Variants in C5 observed in about 807,000 individuals in gnomAD.
The protein encoded by C5 is C3 and PZP-like alpha-2-macroglobulin domain-containing protein 4.
C5 carries 140 observed loss-of-function variants against 218.8 expected under a neutral mutation model. The observed-to-expected ratio is 0.64, with a 90% CI of 0.56 to 0.74. C5 has a LOEUF of 0.74. C5 is among the 30% of genes least tolerant of loss of function. The probability of loss-of-function intolerance (pLI) is 0.00; values close to 1 mark genes in which losing one functional copy is unlikely to be tolerated. For synonymous variants in C5, 614 were observed against 682.3 expected (o/e 0.90, Z 1.56); for missense variants, 1,700 against 1,969.6 (o/e 0.86, Z 2.59).
intron 1 of C5, among the ~76,000 whole-genome samples, chr9:121,048,369 C>T (rs1415467727): frequency 6.6e-6 from 1 of 152,226 alleles, no homozygotes; most frequent in Non-Finnish European, 1.5e-5. Flanking sequence ...TGCCTCCTGT[C>T]AGATCAGTGG....
At chr9:121,074,602 T>G in the C5 span, among the ~76,000 whole-genome samples, 1 of 152,238 alleles carries the variant, frequency 6.6e-6, no homozygotes, top group Non-Finnish European at 1.5e-5. Context: ...GCTGCGCCGG[T>G]GCCTCAGGCC....
At chr9:121,055,833 G>A in the C5 span, among the ~76,000 whole-genome samples, 2 of 152,352 alleles carry the variant, frequency 1.3e-5, no homozygotes, top group Non-Finnish European at 2.9e-5. Context: ...AATGCCAGCT[G>A]TGGCCAGTAG....
upstream of C5, among the ~76,000 whole-genome samples, chr9:121,051,092 A>G (rs2047667890): frequency 6.6e-6 from 1 of 151,688 alleles, no homozygotes; most frequent in Non-Finnish European, 1.5e-5. Context: ...CTAGTAATTA[A>G]TTCACAATAT....
At chr9:121,058,394 T>G in the C5 span, among the ~76,000 whole-genome samples, 1 of 152,192 alleles carries the variant, frequency 6.6e-6, no homozygotes, top group South Asian at 2.1e-4. Flanking sequence ...AAGTCTTACC[T>G]TCTCTTTGAC....
chr9:121,058,530 C>T, the C5 span, among the ~76,000 whole-genome samples: 1 of 152,138 alleles, frequency 6.6e-6, no homozygotes, highest in African/African-American at 2.4e-5. Flanking sequence ...CCTCTGCCTC[C>T]TTGGTTCAAG....
chr9:121,032,838 A>G (rs1475891137), intron 5 of C5, among the ~76,000 whole-genome samples: 2 of 152,024 alleles, frequency 1.3e-5, no homozygotes, highest in South Asian at 2.1e-4. Context: ...CATCTCTACA[A>G]AAAAATACAA....
chr9:120,969,632 A>G (rs896259550), intron 32 of C5, among the ~76,000 whole-genome samples: 64 of 152,198 alleles, frequency 4.2e-4, no homozygotes, highest in African/African-American at 1.4e-3. Context: ...GCCTTGGGTT[A>G]AATAAAAGGG....
the C5 span, among the ~76,000 whole-genome samples, chr9:121,068,024 A>C: frequency 2.6e-5 from 4 of 152,232 alleles, no homozygotes; most frequent in African/African-American, 9.6e-5. Flanking sequence ...TGCAGCGCAC[A>C]TTATCATCAA....
chr9:121,027,150 A>G lies in C5; in HGVS notation c.873+10T>C. 1 of 1,443,878 alleles carries G rather than the reference A, an allele frequency of 6.9e-7. No individual in the cohort carries two copies. 89.4% of individuals were successfully genotyped at this position (1,443,878 alleles called of 1,614,324 possible). A position where few individuals can be genotyped will look rare whatever the true frequency, so the allele number is the denominator to read the frequency against. On this transcript the variant is annotated intron_variant, in intron 8 of 40. Coordinates refer to ENST00000223642, the MANE Select transcript of C5 (RefSeq NM_001735.3). Reference sequence around the variant, plus strand: ...CTGTAGGTGTGAGTGACTGTGTCTTAACATCTTACCATTGTGTTTTGCATT... The same window carrying G: ...CTGTAGGTGTGAGTGACTGTGTCTTGACATCTTACCATTGTGTTTTGCATT...
chr9:120,989,045 C>T lies in C5; in HGVS notation c.3230+1G>A. 1 of 1,605,930 alleles carries T rather than the reference C, an allele frequency of 6.2e-7. No individual in the cohort carries two copies. The highest frequency in any genetic ancestry group is 1.1e-5 in the South Asian group (1 of 90,920). ...AATGCAACTCAAAATCTTCTACTTA[C>T]CAAGTGCTAGCACTTCCACCCTTCC... On this transcript the variant is annotated splice_donor_variant, in intron 25 of 40. Coordinates refer to ENST00000223642, the MANE Select transcript of C5 (RefSeq NM_001735.3). LOFTEE classifies it high-confidence loss of function.
chr9:120,988,878 T>C (rs1187822783), intron 25 of C5, among the ~76,000 whole-genome samples, 168 bp downstream of exon 25: 2 of 152,158 alleles, frequency 1.3e-5, no homozygotes, highest in Admixed American at 6.5e-5. Context: ...AGGATATATT[T>C]TGAATCCATA....
At chr9:120,964,373 GGA>G (rs2046850700) in intron 33 of C5, among the ~76,000 whole-genome samples, 2 of 152,148 alleles carry the variant, frequency 1.3e-5, no homozygotes, top group Non-Finnish European at 2.9e-5. Flanking sequence ...CCTAACTACA[GGA>G]GAATTGCTTG....
intron 17 of C5, among the ~76,000 whole-genome samples, chr9:121,010,513 C>A (rs1228954439): frequency 6.6e-6 from 1 of 152,060 alleles, no homozygotes; most frequent in East Asian, 1.9e-4. Flanking sequence ...GAAAGTTATT[C>A]CATATTCATG....
intron 22 of C5, 61 bp downstream of exon 22, chr9:120,996,179 A>G: frequency 8.0e-7 from 1 of 1,247,664 alleles, no homozygotes; most frequent in Non-Finnish European, 1.2e-6. Flanking sequence ...TTTAAGTTAC[A>G]TACACACTTT....
intron 39 of C5, among the ~76,000 whole-genome samples, chr9:120,956,168 T>A (rs1017306247): frequency 2.0e-5 from 3 of 151,900 alleles, no homozygotes; most frequent in African/African-American, 7.3e-5. Flanking sequence ...GTGGTGCATG[T>A]CTGTAATCCC....
At chr9:121,067,463 C>T in the C5 span, among the ~76,000 whole-genome samples, 9 of 150,892 alleles carry the variant, frequency 6.0e-5, 1 homozygote, top group Non-Finnish European at 5.9e-5. Context: ...ACTTGGGAGG[C>T]TGAGGCAGGA....
Position 120,952,672 on chromosome 9 carries a change from C to CA in C5, c.*66dup. The CA allele has an allele frequency of 7.7e-6, 12 of 1,565,624 alleles. No homozygotes were observed. The highest frequency in any genetic ancestry group is 8.7e-6 in the Non-Finnish European group (10 of 1,143,754). Reference sequence around the variant, plus strand: ...ATGAATGTTTAAAAAAAGAAGAAAACAAAAAAACGAACTTCAACAACAGGA... The same window carrying CA: ...ATGAATGTTTAAAAAAAGAAGAAAACAAAAAAAACGAACTTCAACAACAGGA... On this transcript the variant is annotated 3_prime_UTR_variant, in exon 41 of 41. Transcript: ENST00000223642.
At chr9:120,974,995 T>C in intron 29 of C5, 64 bp from the exon 30 acceptor site, 1 of 1,581,348 alleles carries the variant, frequency 6.3e-7, no homozygotes, top group Non-Finnish European at 8.7e-7. Flanking sequence ...TATTTACAAA[T>C]GCCCTTTTTA....
At position 121,013,729 on chromosome 9, in the gene C5, A is replaced by G. The variant is rs527578208; in HGVS notation, c.2257+144T>C. The G allele has an allele frequency of 2.5e-4, 191 of 777,214 alleles. No individual in the cohort carries two copies. In the African/African-American group the frequency reaches 3.1e-3, roughly 13 times the overall value. The allele number at this position is 777,214 out of a possible 1,614,324, so 48.1% of individuals were successfully genotyped here. A position where few individuals can be genotyped will look rare whatever the true frequency, so the allele number is the denominator to read the frequency against. On this transcript the variant is annotated intron_variant, in intron 17 of 40. Transcript: ENST00000223642. ...CTCTTCGGATGCCCAAAAATGAAGG[A>G]TTTTTTTTTCTTATGGACATTTACA...
Sources: gnomAD v4.1 joint callset for allele counts (sites outside exome capture counted in the v4.1 genomes callset) on GRCh38, gnomAD v4.1.1 for gene constraint, MANE v1.5 for transcripts, NCBI Gene and HGNC (gene_info 2026-07-23, HGNC 2026-07-21) for gene names.